Variants in TWIST2 observed in about 807,000 individuals in gnomAD.
TWIST2 encodes twist family bHLH transcription factor 2, also known as twist-related protein 2.
TWIST2 carries 1 observed loss-of-function variant against 11.6 expected under a neutral mutation model. The ratio of observed to expected loss-of-function variants is 0.09; its 90% CI spans 0.03 to 0.41. The LOEUF is 0.41. Among genes scored for constraint, TWIST2 ranks in the 10% least tolerant of loss-of-function variants. The pLI, the probability that TWIST2 is intolerant of heterozygous loss-of-function variation, is 0.98. For synonymous variants in TWIST2, 87 were observed against 96.6 expected, an observed-to-expected ratio of 0.90 and a Z score of 0.58; for missense variants, 168 against 226.4, an observed-to-expected ratio of 0.74 and a Z score of 1.66.
Position 238,848,731 on chromosome 2 carries a change from A to C in TWIST2, c.*33A>C. 5 of 1,458,382 alleles carry C rather than the reference A, an allele frequency of 3.4e-6. No homozygotes were observed. The highest frequency in any genetic ancestry group is 3.6e-6 in the Non-Finnish European group (4 of 1,107,408). The allele number at this position is 1,458,382 out of a possible 1,614,324, so 90.3% of individuals were successfully genotyped here. On this transcript the variant is annotated splice_region_variant and 3_prime_UTR_variant, in exon 1 of 2. Transcript: ENST00000612363. ...CCACCCACCTCCGGACCGGCGCGCC[A>C]GGGTAGGTGCTGCGCGCGCGACGGG...
At position 238,870,571 on chromosome 2, in the gene TWIST2, CACACCA is replaced by C. The variant is rs1559274191; in HGVS notation, c.*35+21839_*35+21844del. 1.9e-3 allele frequency among the ~76,000 whole-genome samples: 176 copies of C among 90,994 alleles called. 6 individuals are homozygous for C. Among genetic ancestry groups the C allele is most frequent in the African/African-American group, 7.4e-3 (164 of 22,142 alleles). 59.7% of individuals were successfully genotyped at this position (90,994 alleles called of 152,430 possible). ...CACACCCCACACACACCACACACCA[CACACCA>C]CACACACACACCACACACCCCACAC... is the stretch of plus-strand genomic sequence containing the variant. On this transcript the variant is annotated intron_variant, in intron 1 of 1. Transcript: ENST00000612363.
chr2:238,880,885 G>A (rs1692910480), intron 1 of TWIST2, among the ~76,000 whole-genome samples: 1 of 108,330 alleles, frequency 9.2e-6, no homozygotes. Flanking sequence ...TAGTGTTAGT[G>A]TTGGTATTTA....
intron 1 of TWIST2, among the ~76,000 whole-genome samples, chr2:238,887,837 G>A (rs528730905): frequency 6.6e-6 from 1 of 152,322 alleles, no homozygotes; most frequent in South Asian, 2.1e-4. Flanking sequence ...TGAGCAAGAA[G>A]CAAACGACTG....
intron 1 of TWIST2, among the ~76,000 whole-genome samples, chr2:238,870,575 CCACACA>C (rs1261634959): frequency 1.3e-5 from 1 of 78,608 alleles, no homozygotes; most frequent in African/African-American, 5.2e-5. Flanking sequence ...ACACCACACA[CCACACA>C]CACACACCAC....
chr2:238,861,638 A>T (rs1692438358), intron 1 of TWIST2, among the ~76,000 whole-genome samples: 1 of 152,142 alleles, frequency 6.6e-6, no homozygotes. Context: ...GCACTGAGTC[A>T]GCGTCCCTTT....
intron 1 of TWIST2, among the ~76,000 whole-genome samples, chr2:238,901,809 C>T (rs955570814): frequency 1.3e-5 from 2 of 152,016 alleles, no homozygotes; most frequent in Admixed American, 1.3e-4. Flanking sequence ...ATGGGGGTGG[C>T]TGGCAGCTGG....
chr2:238,853,607 A>T (rs960974728), intron 1 of TWIST2, among the ~76,000 whole-genome samples: 3 of 152,206 alleles, frequency 2.0e-5, no homozygotes, highest in Non-Finnish European at 4.4e-5. Context: ...CCTTACCTGA[A>T]TGCTGATTTG....
chr2:238,880,735 A>G (rs1692904657), intron 1 of TWIST2, among the ~76,000 whole-genome samples: 2 of 111,910 alleles, frequency 1.8e-5, no homozygotes, highest in Admixed American at 9.5e-5. Context: ...ATCTATTAGT[A>G]TTAGTGTTAG....
In TWIST2 at chr2:238,867,752, CTCA is replaced by C. The variant is rs1351240243; in HGVS notation, c.*35+19023_*35+19025del. On this transcript the variant is annotated intron_variant, in intron 1 of 1. Coordinates refer to ENST00000612363, the MANE Select transcript of TWIST2 (RefSeq NM_001271893.4). The surrounding 1 kb of genome is among the most constrained non-coding windows in gnomAD (Gnocchi z 4.8). ...TAGAAACTGAAAAGGCAGTCACATC[CTCA>C]TCAGAAAGAAATTGATGGTGAGTTA... 6.6e-6 allele frequency among the ~76,000 whole-genome samples: 1 copy of C among 152,160 alleles called. No individual in the cohort carries two copies. The highest frequency in any genetic ancestry group is 1.5e-5 in the Non-Finnish European group (1 of 68,030).
At chr2:238,879,904 G>A (rs1318063468) in intron 1 of TWIST2, among the ~76,000 whole-genome samples, 1 of 152,256 alleles carries the variant, frequency 6.6e-6, no homozygotes, top group African/African-American at 2.4e-5. Context: ...GATAGTTTAT[G>A]TGGAGGATCT....
chr2:238,854,526 C>A (rs1261160042), intron 1 of TWIST2, among the ~76,000 whole-genome samples: 1 of 152,226 alleles, frequency 6.6e-6, no homozygotes, highest in East Asian at 1.9e-4. Flanking sequence ...CAGCTCCCCC[C>A]AGGAGGGGTT....
At chr2:238,860,112 C>T (rs543567340) in intron 1 of TWIST2, among the ~76,000 whole-genome samples, 3 of 152,292 alleles carry the variant, frequency 2.0e-5, no homozygotes, top group South Asian at 4.1e-4. Flanking sequence ...GCCCAGGGCT[C>T]GTCTGCCCGC....
At chr2:238,861,973 T>A (rs142015725) in intron 1 of TWIST2, among the ~76,000 whole-genome samples, 30,333 of 152,110 alleles carry the variant, frequency 0.2, 3,942 homozygotes, top group East Asian at 0.53. Context: ...TTGGTGTGTA[T>A]CCCTGTGGAT....
intron 1 of TWIST2, among the ~76,000 whole-genome samples, chr2:238,870,221 CA>C (rs1692634205): frequency 3.0e-5 from 1 of 32,818 alleles, no homozygotes; most frequent in African/African-American, 1.1e-4. Context: ...ACCCCACACA[CA>C]CATCACATAC....
At chr2:238,895,739 T>C (rs1418780011) in intron 1 of TWIST2, among the ~76,000 whole-genome samples, 6 of 152,160 alleles carry the variant, frequency 3.9e-5, no homozygotes, top group African/African-American at 1.4e-4. Flanking sequence ...TCAGCCCCGG[T>C]AGAGCCCGCC....
At position 238,880,217 on chromosome 2, in the gene TWIST2, A is replaced by G. The variant is rs62191070; in HGVS notation, c.*36-29625A>G. ...TATTGGTGTTACTGTTAGTATTAGT[A>G]TTAGTGTTAGTATTTATTAGTATTA... On this transcript the variant is annotated intron_variant, in intron 1 of 1. Transcript: ENST00000612363. Among the ~76,000 whole-genome samples the G allele has an allele frequency of 3.7e-3, 446 of 119,384 alleles. 1 individual carries two copies. The highest frequency in any genetic ancestry group is 0.023 in the East Asian group (43 of 1,908). The allele number at this position is 119,384 out of a possible 152,430, so 78.3% of individuals were successfully genotyped here. A position where few individuals can be genotyped will look rare whatever the true frequency, so the allele number is the denominator to read the frequency against.
chr2:238,869,024 C>T (rs959659875), intron 1 of TWIST2, among the ~76,000 whole-genome samples: 7 of 152,152 alleles, frequency 4.6e-5, no homozygotes, highest in South Asian at 2.1e-4. Flanking sequence ...GCAGATGGCA[C>T]GGGTAGGTGC....
At chr2:238,892,319 G>C (rs1693150456) in intron 1 of TWIST2, among the ~76,000 whole-genome samples, 1 of 152,216 alleles carries the variant, frequency 6.6e-6, no homozygotes. Context: ...CTGGGAGCAC[G>C]TGCGCTGCAC....
In TWIST2 at chr2:238,864,205, G is replaced by A. The variant is rs1210413241; in HGVS notation, c.*35+15472G>A. Among the ~76,000 whole-genome samples, 1 of 151,702 alleles carries A rather than the reference G, an allele frequency of 6.6e-6. No individual in the cohort carries two copies. Among genetic ancestry groups the A allele is most frequent in the Admixed American group, 6.6e-5 (1 of 15,230 alleles). On this transcript the variant is annotated intron_variant, in intron 1 of 1. Transcript: ENST00000612363. The surrounding 1 kb of genome is among the most constrained non-coding windows in gnomAD (Gnocchi z 4.7). ...GGGGGAAGGGGCTGGAGGTGAGGGGGGACCTCTCGGGCTGTGCCGTGGTAT... is the reference window on the plus strand; with the variant it reads ...GGGGGAAGGGGCTGGAGGTGAGGGGAGACCTCTCGGGCTGTGCCGTGGTAT...
Sources: allele counts gnomAD v4.1 joint callset (sites outside exome capture counted in the v4.1 genomes callset), GRCh38; gene constraint gnomAD v4.1.1; non-coding constraint Gnocchi (gnomAD v3.1); transcripts MANE v1.5; gene names NCBI Gene and HGNC (gene_info 2026-07-23, HGNC 2026-07-21).